Variants in FHOD3 observed in about 807,000 individuals in gnomAD.
The protein encoded by FHOD3 is formin homology 2 domain containing 3.
A neutral mutation model predicts 173.0 loss-of-function variants in FHOD3; 90 were observed. The ratio of observed to expected loss-of-function variants is 0.52; its 90% confidence interval spans 0.44 to 0.62. The LOEUF (loss-of-function observed/expected upper bound fraction) is 0.62. Ranked by LOEUF, FHOD3 falls within the 20% of genes least tolerant of loss-of-function variation. The pLI, the probability that FHOD3 is intolerant of heterozygous loss-of-function variation, is 0.00. For missense variants in FHOD3, 1,945 were observed against 2,034.7 expected, an observed-to-expected ratio of 0.96 and a Z score of 0.85; for synonymous variants, 828 against 823.0, an observed-to-expected ratio of 1.01 and a Z score of -0.10.
chr18:36,649,278 T>G, intron 10 of FHOD3, 38 bp from the exon 11 acceptor site: 1 of 1,481,136 alleles, frequency 6.8e-7, no homozygotes, highest in South Asian at 1.2e-5. Context: ...TTTTCCATGT[T>G]GTCTGTGTGC....
chr18:36,691,726 A>T (rs1189082924), intron 16 of FHOD3, among the ~76,000 whole-genome samples: 1 of 152,186 alleles, frequency 6.6e-6, no homozygotes, highest in Non-Finnish European at 1.5e-5. Context: ...ATGAAATGGG[A>T]TGCATTTGCT....
At chr18:36,507,875 C>T (rs1205117633) in intron 4 of FHOD3, among the ~76,000 whole-genome samples, 2 of 152,148 alleles carry the variant, frequency 1.3e-5, no homozygotes, top group Non-Finnish European at 2.9e-5. Flanking sequence ...ACTCCTCCCC[C>T]TTCCTCATTT....
At position 36,437,682 on chromosome 18, in the gene FHOD3, T is replaced by A. The variant is rs74945899; in HGVS notation, c.338-64250T>A. On this transcript the variant is annotated intron_variant, in intron 3 of 28. Transcript: ENST00000590592. Reference sequence around the variant, plus strand: ...CTTTCTTTCTTTTTTTTTTTTTTTTTAAGACAGAGTCTTGCTCTGTCGCCA... The same window carrying A: ...CTTTCTTTCTTTTTTTTTTTTTTTTAAAGACAGAGTCTTGCTCTGTCGCCA... Among the ~76,000 whole-genome samples the A allele has an allele frequency of 7.3e-3, 948 of 129,360 alleles. 36 individuals carry two copies. Among genetic ancestry groups the A allele is most frequent in the Admixed American group, 6.6e-3 (81 of 12,200 alleles). 84.9% of individuals were successfully genotyped at this position (129,360 alleles called of 152,430 possible).
At chr18:36,674,804 A>G (rs2037743952) in intron 14 of FHOD3, among the ~76,000 whole-genome samples, 1 of 152,118 alleles carries the variant, frequency 6.6e-6, no homozygotes, top group African/African-American at 2.4e-5. Flanking sequence ...TGTCACATGC[A>G]AGCACGTGCC....
chr18:36,477,867 G>A lies in FHOD3; in HGVS notation c.338-24065G>A, dbSNP rs1020936449. Among the ~76,000 whole-genome samples the A allele has an allele frequency of 3.9e-5, 6 of 152,140 alleles. No homozygotes were observed. The South Asian group carries it at 1.2e-3, about 32-fold the overall frequency. ...GAAGTAAGGGAGCAAAGATGGCAGA[G>A]TCTCTGGACTGGGATGGTCAGGGAA... is the stretch of plus-strand genomic sequence containing the variant. On this transcript the variant is annotated intron_variant, in intron 3 of 28. Coordinates refer to ENST00000590592, the MANE Select transcript of FHOD3 (RefSeq NM_001281740.3).
intron 3 of FHOD3, among the ~76,000 whole-genome samples, chr18:36,493,858 G>C (rs2054596186): frequency 6.6e-6 from 1 of 152,220 alleles, no homozygotes; most frequent in African/African-American, 2.4e-5. Context: ...GCAGAGGAGA[G>C]GCTCTGGGGA....
rs533635534 is a variant in FHOD3 at position 36,372,395 on chromosome 18, A to G, written c.273-285A>G. Among the ~76,000 whole-genome samples, 5 of 152,334 alleles carry G rather than the reference A, an allele frequency of 3.3e-5. No homozygotes were observed. The East Asian group carries it at 9.6e-4, about 29-fold the overall frequency. On this transcript the variant is annotated intron_variant, in intron 2 of 28. Coordinates refer to ENST00000590592, the MANE Select transcript of FHOD3 (RefSeq NM_001281740.3). ...ACACAGATTTTAAAATTTTCCCAAC[A>G]TGGTCAAGCATGACTTTGTGCAGAC...
chr18:36,695,662 T>C (rs1217868172), intron 17 of FHOD3, among the ~76,000 whole-genome samples: 1 of 152,206 alleles, frequency 6.6e-6, no homozygotes, highest in Non-Finnish European at 1.5e-5. Context: ...TGTAATTGAT[T>C]TATAAAATTG....
chr18:36,511,162 A>G lies in FHOD3; in HGVS notation c.406-1276A>G, dbSNP rs117241137. Among the ~76,000 whole-genome samples, 105 of 151,808 alleles carry G rather than the reference A, an allele frequency of 6.9e-4. 1 individual carries two copies. The highest frequency in any genetic ancestry group is 1.3e-3 in the Non-Finnish European group (88 of 67,924). ...ACCATTTACATCACTGAGGTTTTTTATTTTTGCCCTGTTGTGATCATTTAA... is the reference window on the plus strand; with the variant it reads ...ACCATTTACATCACTGAGGTTTTTTGTTTTTGCCCTGTTGTGATCATTTAA... On this transcript the variant is annotated intron_variant, in intron 4 of 28. Coordinates refer to ENST00000590592, the MANE Select transcript of FHOD3 (RefSeq NM_001281740.3).
intron 3 of FHOD3, among the ~76,000 whole-genome samples, chr18:36,450,474 TATTTATTTA>T (rs1305027885): frequency 1.6e-5 from 2 of 125,726 alleles, no homozygotes; most frequent in African/African-American, 9.2e-5. Flanking sequence ...TTTATTTATT[TATTTATTTA>T]TTTAATTTTT....
intron 3 of FHOD3, among the ~76,000 whole-genome samples, chr18:36,418,420 G>A (rs191431280): frequency 1.6e-3 from 250 of 152,298 alleles, no homozygotes; most frequent in African/African-American, 5.8e-3. Flanking sequence ...AAAGCAATTT[G>A]AAGATATTCC....
At chr18:36,490,320 C>T (rs1334918173) in intron 3 of FHOD3, among the ~76,000 whole-genome samples, 1 of 152,122 alleles carries the variant, frequency 6.6e-6, no homozygotes, top group African/African-American at 2.4e-5. Context: ...GTGGACTTTG[C>T]TGGGGCCCCA....
intron 28 of FHOD3, chr18:36,779,169 T>C (rs1195505788): frequency 8.5e-6 from 4 of 468,362 alleles, no homozygotes; most frequent in Non-Finnish European, 1.5e-5. Flanking sequence ...CTCTCCTCCT[T>C]TCTCTCCTCT....
chr18:36,466,769 G>A (rs1304777525), intron 3 of FHOD3, among the ~76,000 whole-genome samples: 1 of 152,082 alleles, frequency 6.6e-6, no homozygotes, highest in African/African-American at 2.4e-5. Context: ...AGGTCCATTT[G>A]GTGGGAGTCA....
At chr18:36,605,545 C>T (rs1171080632) in intron 8 of FHOD3, among the ~76,000 whole-genome samples, 5 of 152,128 alleles carry the variant, frequency 3.3e-5, no homozygotes, top group Non-Finnish European at 5.9e-5. Context: ...TTCCTTAACT[C>T]ATTTATGCCT....
chr18:36,456,482 T>C (rs2052221723), intron 3 of FHOD3, among the ~76,000 whole-genome samples: 1 of 152,100 alleles, frequency 6.6e-6, no homozygotes, highest in African/African-American at 2.4e-5. Context: ...AAAGAAATGG[T>C]CATTTCTTAT....
At chr18:36,362,745 A>G (rs1238489553) in intron 2 of FHOD3, among the ~76,000 whole-genome samples, 2 of 152,232 alleles carry the variant, frequency 1.3e-5, no homozygotes, top group Admixed American at 6.5e-5. Context: ...GGTGTTGTCC[A>G]TCAGTAAGAG....
chr18:36,465,933 T>C, intron 3 of FHOD3, among the ~76,000 whole-genome samples: 1 of 152,160 alleles, frequency 6.6e-6, no homozygotes, highest in Non-Finnish European at 1.5e-5. Context: ...AGTCTGAGAT[T>C]AGATCTGACC....
At chr18:36,578,436 C>T (rs2058735456) in intron 6 of FHOD3, among the ~76,000 whole-genome samples, 1 of 152,196 alleles carries the variant, frequency 6.6e-6, no homozygotes, top group East Asian at 1.9e-4. Flanking sequence ...CCTCCCATGA[C>T]ATGTGGGAAT....
Sources: allele counts gnomAD v4.1 joint callset (sites outside exome capture counted in the v4.1 genomes callset), GRCh38; gene constraint gnomAD v4.1.1; transcripts MANE v1.5; gene names NCBI Gene and HGNC (gene_info 2026-07-23, HGNC 2026-07-21).